Variants in ZNF385D observed in about 807,000 individuals in gnomAD.
ZNF385D encodes zinc finger protein 659.
A neutral mutation model predicts 35.8 loss-of-function variants in ZNF385D; 15 were observed. That is an observed-to-expected ratio of 0.42 (90% CI 0.28 to 0.64). ZNF385D has a LOEUF of 0.64. ZNF385D is among the 30% of genes least tolerant of loss of function. ZNF385D has a pLI of 0.23. For synonymous variants in ZNF385D, 212 were observed against 186.8 expected (o/e 1.13, Z -1.10); for missense variants, 474 against 494.6 (o/e 0.96, Z 0.39).
chr3:21,748,115 G>A (rs979894205), intron 1 of ZNF385D, among the ~76,000 whole-genome samples: 6 of 152,110 alleles, frequency 3.9e-5, no homozygotes, highest in Non-Finnish European at 7.4e-5. Context: ...TGAAATCACA[G>A]CACAGGAAGT....
intron 2 of ZNF385D, among the ~76,000 whole-genome samples, chr3:22,288,225 G>C (rs566162776): frequency 9.2e-5 from 14 of 152,146 alleles, no homozygotes; most frequent in African/African-American, 3.1e-4. Context: ...CTCAGAGTGA[G>C]TATCTTTATA....
chr3:21,988,909 T>G (rs1016020707), intron 3 of ZNF385D, among the ~76,000 whole-genome samples: 17 of 152,210 alleles, frequency 1.1e-4, no homozygotes, highest in Non-Finnish European at 2.1e-4. Context: ...AGTGCAATAT[T>G]CGGGTGGGAG....
chr3:21,675,015 T>C (rs2066682065), intron 1 of ZNF385D, among the ~76,000 whole-genome samples: 1 of 152,064 alleles, frequency 6.6e-6, no homozygotes, highest in Admixed American at 6.6e-5. Context: ...TGAGATATTG[T>C]ACCCATTTTT....
Position 21,901,257 on chromosome 3 carries a change from G to A in ZNF385D, c.326-236229C>T, listed in dbSNP as rs550671300. ...ATCCCAAAGTGCTGGGATTACAGGC[G>A]TGAGCCACTTATTTACCTCTTAATT... On this transcript the variant is annotated intron_variant, in intron 3 of 5. Coordinates refer to the ZNF385D transcript ENST00000494108. Among the ~76,000 whole-genome samples the A allele has an allele frequency of 1.1e-4, 17 of 152,298 alleles. 1 individual carries two copies. The South Asian group carries it at 1.2e-3, about 11-fold the overall frequency.
At chr3:21,830,359 T>G (rs1431303111) in intron 3 of ZNF385D, among the ~76,000 whole-genome samples, 1 of 152,208 alleles carries the variant, frequency 6.6e-6, no homozygotes, top group Admixed American at 6.5e-5. Context: ...TTGATTACAT[T>G]GATCTGTTAT....
intron 3 of ZNF385D, among the ~76,000 whole-genome samples, chr3:21,785,501 G>A (rs982870655): frequency 6.6e-6 from 1 of 151,976 alleles, no homozygotes; most frequent in Non-Finnish European, 1.5e-5. Flanking sequence ...TTGTGCATTC[G>A]ATGTCCAGAA....
At chr3:21,722,263 TA>T (rs1304477043) in intron 1 of ZNF385D, among the ~76,000 whole-genome samples, 1 of 152,290 alleles carries the variant, frequency 6.6e-6, no homozygotes, top group East Asian at 1.9e-4. Flanking sequence ...TGTGGTTGAG[TA>T]AAATAGCAAG....
chr3:21,555,367 G>GC (rs2062698483), intron 3 of ZNF385D, among the ~76,000 whole-genome samples: 1 of 151,810 alleles, frequency 6.6e-6, no homozygotes, highest in South Asian at 2.1e-4. Context: ...CCCTCCCCTA[G>GC]CCCCCTGACC....
At chr3:21,808,865 C>T (rs1018060161) in intron 3 of ZNF385D, among the ~76,000 whole-genome samples, 2 of 152,190 alleles carry the variant, frequency 1.3e-5, no homozygotes, top group Non-Finnish European at 2.9e-5. Context: ...AGATTGACCT[C>T]TGGGTAGCAC....
At chr3:21,848,558 A>T (rs1041110017) in intron 3 of ZNF385D, among the ~76,000 whole-genome samples, 11 of 152,020 alleles carry the variant, frequency 7.2e-5, no homozygotes, top group Admixed American at 2.0e-4. Context: ...GGAGACATTA[A>T]AATCAATGCT....
intron 2 of ZNF385D, among the ~76,000 whole-genome samples, chr3:22,364,555 C>A (rs1269948481): frequency 6.6e-6 from 1 of 151,974 alleles, no homozygotes; most frequent in Admixed American, 6.6e-5. Context: ...TTAGATACCA[C>A]TTCACCCCCA....
chr3:22,304,832 C>T lies in ZNF385D; in HGVS notation c.106+67618G>A, dbSNP rs150175307. Among the ~76,000 whole-genome samples the T allele has an allele frequency of 4.1e-4, 62 of 152,254 alleles. No individual in the cohort carries two copies. In the East Asian group the frequency reaches 8.7e-3, roughly 21 times the overall value. The stretch of plus-strand genomic sequence containing the variant: ...TATCAGTGCCACTACTTGCTTTCCC[C>T]TATTTCAATTAATGTCTCCTTTAGC... On this transcript the variant is annotated intron_variant, in intron 2 of 5. Coordinates refer to the ZNF385D transcript ENST00000494108.
intron 1 of ZNF385D, among the ~76,000 whole-genome samples, chr3:21,687,572 A>G (rs2067146051): frequency 6.6e-6 from 1 of 152,064 alleles, no homozygotes; most frequent in African/African-American, 2.4e-5. Context: ...ACATCAACAC[A>G]TCATTATTGT....
At chr3:21,972,757 C>A (rs1703342923) in intron 3 of ZNF385D, among the ~76,000 whole-genome samples, 1 of 151,664 alleles carries the variant, frequency 6.6e-6, no homozygotes, top group Non-Finnish European at 1.5e-5. Context: ...ACAACTAATA[C>A]CACAGAAATT....
chr3:22,003,386 A>G (rs571067093), intron 3 of ZNF385D, among the ~76,000 whole-genome samples: 6 of 152,336 alleles, frequency 3.9e-5, no homozygotes, highest in Admixed American at 3.9e-4. Context: ...AAAGACCTCT[A>G]CAAGGAAAGC....
At chr3:22,019,320 T>C (rs1053505840) in intron 3 of ZNF385D, among the ~76,000 whole-genome samples, 5 of 152,060 alleles carry the variant, frequency 3.3e-5, no homozygotes, top group Middle Eastern at 3.4e-3. Context: ...CATGTATTTT[T>C]ATCTCTATAA....
At chr3:22,146,051 C>G (rs1053731417) in intron 3 of ZNF385D, among the ~76,000 whole-genome samples, 2 of 152,054 alleles carry the variant, frequency 1.3e-5, no homozygotes, top group South Asian at 4.2e-4. Flanking sequence ...CACAACACAT[C>G]CGCAGGGCCC....
chr3:22,250,290 T>C (rs983870817), intron 2 of ZNF385D, among the ~76,000 whole-genome samples: 2 of 152,158 alleles, frequency 1.3e-5, no homozygotes, highest in African/African-American at 4.8e-5. Flanking sequence ...AAAGTCTTTT[T>C]ATTTATTTTT....
At chr3:22,339,899 G>T (rs1575152831) in intron 2 of ZNF385D, among the ~76,000 whole-genome samples, 1 of 152,086 alleles carries the variant, frequency 6.6e-6, no homozygotes, top group African/African-American at 2.4e-5. Context: ...ATCCTACTCA[G>T]TTTCTCCACC....
Sources: gnomAD v4.1 joint callset for allele counts (sites outside exome capture counted in the v4.1 genomes callset) on GRCh38, gnomAD v4.1.1 for gene constraint, MANE v1.5 for transcripts, NCBI Gene and HGNC (gene_info 2026-07-23, HGNC 2026-07-21) for gene names.